Variants in PIM1 observed in about 807,000 individuals in gnomAD.
The protein encoded by PIM1 is serine/threonine-protein kinase pim-1.
In PIM1, 9 loss-of-function variants were observed where a neutral mutation model predicts 34.5. The ratio of observed to expected loss-of-function variants is 0.26; its 90% CI spans 0.16 to 0.46. The LOEUF (loss-of-function observed/expected upper bound fraction) is 0.46. Ranked by LOEUF, PIM1 falls within the 20% of genes least tolerant of loss-of-function variation. The probability of loss-of-function intolerance (pLI) is 1.00; values close to 1 mark genes in which losing one functional copy is unlikely to be tolerated. For missense variants in PIM1, 274 were observed against 410.9 expected, an observed-to-expected ratio of 0.67 and a Z score of 2.88; for synonymous variants, 199 against 175.2, an observed-to-expected ratio of 1.14 and a Z score of -1.07.
chr6:37,172,522 C>G (rs943490836), intron 4 of PIM1: 1 of 448,164 alleles, frequency 2.2e-6, no homozygotes, highest in African/African-American at 2.0e-5. Context: ...AGGAAGGCCT[C>G]CCAAAGGGCA....
At position 37,174,681 on chromosome 6, in the gene PIM1, G is replaced by A. The variant is rs1762374377; in HGVS notation, c.*590G>A. 4.3e-6 allele frequency: 1 copy of A among 233,776 alleles called. No individual in the cohort carries two copies. The highest frequency in any genetic ancestry group is 8.5e-6 in the Non-Finnish European group (1 of 118,128). 14.5% of individuals were successfully genotyped at this position (233,776 alleles called of 1,614,324 possible). On this transcript the variant is annotated 3_prime_UTR_variant, in exon 6 of 6. Transcript: ENST00000373509. ...CCCTCCTTCATATGAAAGGTGCCAT[G>A]GAAGAGGCTACAGGGCCAAACGCTG...
rs1176663706 is a variant in PIM1 at position 37,174,253 on chromosome 6, G to A, written c.*162G>A. The A allele has an allele frequency of 1.6e-4, 110 of 679,380 alleles. 2 individuals are homozygous for A. The East Asian group carries it at 3.1e-3, about 19-fold the overall frequency. 42.1% of individuals were successfully genotyped at this position (679,380 alleles called of 1,614,324 possible). A position where few individuals can be genotyped will look rare whatever the true frequency, so the allele number is the denominator to read the frequency against. On this transcript the variant is annotated 3_prime_UTR_variant, in exon 6 of 6. Transcript: ENST00000373509. ...CATTCCAGATCCCAGGCCCCTGGAG[G>A]CTGCCTCCCAACAGTGGGGAAGAGT...
At chr6:37,171,608 C>G (rs1762287779) in intron 4 of PIM1, 117 bp downstream of exon 4, 2 of 1,276,780 alleles carry the variant, frequency 1.6e-6, no homozygotes, top group Non-Finnish European at 1.1e-6. Context: ...CCGCCTGGCT[C>G]GATGCTAGCC....
In PIM1 at chr6:37,171,414, T is replaced by C. The variant is rs764675670; in HGVS notation, c.530T>C (p.Leu177Pro). Residue 177 changes from leucine (L) to proline (P), a missense_variant, in exon 4 of 6, where the codon CTC becomes CCC. Physicochemically the swap from Leu to Pro is moderately conservative, Grantham distance 98 (BLOSUM62 -3). This residue lies in a region of PIM1 where 168 missense variants were observed against 299.4 expected (regional missense o/e 0.56). Coordinates refer to ENST00000373509, the MANE Select transcript of PIM1 (RefSeq NM_002648.4). ...DIKDENILID[L>P]NRGELKLIDF... The stretch of plus-strand genomic sequence containing the variant: ...AAGGACGAAAACATCCTTATCGACC[T>C]CAATCGCGGCGAGCTCAAGCTCATC... The C allele has an allele frequency of 6.2e-7, 1 of 1,613,970 alleles. No individual in the cohort carries two copies. Among genetic ancestry groups the C allele is most frequent in the Non-Finnish European group, 8.5e-7 (1 of 1,180,014 alleles).
rs1038105494 is a variant in PIM1, at chr6:37,173,025, A to G, written c.637A>G (p.Ile213Val). ...CCGAGTGTATAGCCCTCCAGAGTGG[A>G]TCCGCTACCATCGCTACCATGGCAG... Reference protein sequence around the residue: ...GTRVYSPPEWIRYHRYHGRSA... With the variant: ...GTRVYSPPEWVRYHRYHGRSA... The change falls in exon 5 of 6, where the codon ATC (isoleucine) becomes GTC (valine). Residue 213 changes from isoleucine to valine, a missense_variant. Physicochemically the swap from Ile to Val is conservative, Grantham distance 29. Coordinates refer to ENST00000373509, the MANE Select transcript of PIM1 (RefSeq NM_002648.4). 3 of 1,613,920 alleles carry G rather than the reference A, an allele frequency of 1.9e-6. No individual in the cohort carries two copies. Among genetic ancestry groups the G allele is most frequent in the African/African-American group, 2.7e-5 (2 of 74,846 alleles).
chr6:37,173,426 A>G (rs1472134820), intron 5 of PIM1, among the ~76,000 whole-genome samples: 1 of 152,252 alleles, frequency 6.6e-6, no homozygotes, highest in Non-Finnish European at 1.5e-5. Context: ...TGGCTTCTCC[A>G]AAAACTTTTT....
At position 37,174,901 on chromosome 6, in the gene PIM1, A is replaced by G. The variant is rs1016858936; in HGVS notation, c.*810A>G. Reference sequence around the variant, plus strand: ...ATACAAAAAGATTGTAGTGGATCTAATTTTTAAGAAATTTTGCCTTTAAGT... The same window carrying G: ...ATACAAAAAGATTGTAGTGGATCTAGTTTTTAAGAAATTTTGCCTTTAAGT... On this transcript the variant is annotated 3_prime_UTR_variant, in exon 6 of 6. Transcript: ENST00000373509. 8.6e-6 allele frequency: 2 copies of G among 233,632 alleles called. No individual in the cohort carries two copies. Among genetic ancestry groups the G allele is most frequent in the Admixed American group, 1.1e-4 (2 of 17,772 alleles). The allele number at this position is 233,632 out of a possible 1,614,324, so 14.5% of individuals were successfully genotyped here.
In PIM1 at chr6:37,170,962, G is replaced by T; in HGVS notation, c.190-19G>T. Reference sequence around the variant, plus strand: ...TTTAGCCCGGACGAGGGAACCTGACGGAGACCCTGGGCTTCCAGGTGGCCA... The same window carrying T: ...TTTAGCCCGGACGAGGGAACCTGACTGAGACCCTGGGCTTCCAGGTGGCCA... On this transcript the variant is annotated intron_variant, in intron 2 of 5. Transcript: ENST00000373509. 6.2e-7 allele frequency: 1 copy of T among 1,613,984 alleles called. No homozygotes were observed.
rs150289969 is a variant in PIM1, at chr6:37,171,403, C to A, written c.519C>A (p.Ile173=). The part of the protein sequence containing the change: ...VLHRDIKDEN[I]LIDLNRGELK... ...ACCGCGACATCAAGGACGAAAACAT[C>A]CTTATCGACCTCAATCGCGGCGAGC... The change falls in exon 4 of 6, where the codon ATC becomes ATA. Residue 173 remains isoleucine (I), a synonymous_variant. Coordinates refer to ENST00000373509, the MANE Select transcript of PIM1 (RefSeq NM_002648.4). 1 of 1,614,094 alleles carries A rather than the reference C, an allele frequency of 6.2e-7. No individual in the cohort carries two copies. The highest frequency in any genetic ancestry group is 2.2e-5 in the East Asian group (1 of 44,890).
Position 37,171,115 on chromosome 6 carries a change from G to C in PIM1, c.241-10G>C, listed in dbSNP as rs1762277676. The C allele has an allele frequency of 4.3e-6, 7 of 1,613,784 alleles. No homozygotes were observed. The highest frequency in any genetic ancestry group is 5.9e-6 in the Non-Finnish European group (7 of 1,179,928). Reference sequence around the variant, plus strand: ...ACTCCCGCCCTAACGCGGCCCCCTCGCCCCTGCAGCCTAATGGCACTCGAG... The same window carrying C: ...ACTCCCGCCCTAACGCGGCCCCCTCCCCCCTGCAGCCTAATGGCACTCGAG... On this transcript the variant is annotated splice_polypyrimidine_tract_variant and intron_variant, in intron 3 of 5. Transcript: ENST00000373509.
rs1365169400 is a variant in PIM1 at position 37,175,222 on chromosome 6, G to C, written c.*1131G>C. ...GGTGGGTCCCGGCTCTGTGGGTGAT[G>C]GGGAGGGGCATTGCTGACTGTGTAT... is the stretch of plus-strand genomic sequence containing the variant. On this transcript the variant is annotated 3_prime_UTR_variant, in exon 6 of 6. Transcript: ENST00000373509. The C allele has an allele frequency of 4.3e-6, 1 of 233,628 alleles. No individual in the cohort carries two copies. The highest frequency in any genetic ancestry group is 8.5e-6 in the Non-Finnish European group (1 of 118,142). 14.5% of individuals were successfully genotyped at this position (233,628 alleles called of 1,614,324 possible). A position where few individuals can be genotyped will look rare whatever the true frequency, so the allele number is the denominator to read the frequency against.
intron 4 of PIM1, among the ~76,000 whole-genome samples, chr6:37,171,928 C>T (rs1762295621): frequency 6.6e-6 from 1 of 150,766 alleles, no homozygotes; most frequent in Non-Finnish European, 1.5e-5. Context: ...CAGTTCTTAA[C>T]TCCTTTCTGA....
chr6:37,170,697 G>T (rs745621623), intron 1 of PIM1, 40 bp downstream of exon 1: 1 of 1,605,392 alleles, frequency 6.2e-7, no homozygotes, highest in Non-Finnish European at 8.5e-7. Flanking sequence ...GATGCGGGGC[G>T]GCGGCGGGAT....
Position 37,171,415 on chromosome 6 carries a change from C to T in PIM1, c.531C>T (p.Leu177=), listed in dbSNP as rs1259173458. ...AGGACGAAAACATCCTTATCGACCT[C>T]AATCGCGGCGAGCTCAAGCTCATCG... ...DIKDENILID[L]NRGELKLIDF... is the part of the protein sequence containing the mutation. The change falls in exon 4 of 6, where the codon CTC becomes CTT. Residue 177 remains leucine, a synonymous_variant. Transcript: ENST00000373509. The T allele has an allele frequency of 6.2e-7, 1 of 1,613,888 alleles. No individual in the cohort carries two copies. The highest frequency in any genetic ancestry group is 1.3e-5 in the African/African-American group (1 of 74,952).
At position 37,170,574 on chromosome 6, in the gene PIM1, G is replaced by A. The variant is rs1170656817; in HGVS notation, c.-2G>A. The A allele has an allele frequency of 3.5e-5, 56 of 1,612,826 alleles. No individual in the cohort carries two copies. Among genetic ancestry groups the A allele is most frequent in the Non-Finnish European group, 4.4e-5 (52 of 1,179,590 alleles). The stretch of plus-strand genomic sequence containing the variant: ...CCCTGCGCCGACATCCTGGAGGTTG[G>A]GATGCTCTTGTCCAAAATCAACTCG... On this transcript the variant is annotated 5_prime_UTR_variant, in exon 1 of 6. Transcript: ENST00000373509.
At chr6:37,171,640 T>TC in intron 4 of PIM1, 149 bp downstream of exon 4, 2 of 949,882 alleles carry the variant, frequency 2.1e-6, no homozygotes, top group Non-Finnish European at 3.1e-6. Context: ...CAGGAGAGCC[T>TC]CCCAGCGTAG....
intron 4 of PIM1, among the ~76,000 whole-genome samples, chr6:37,172,007 G>C (rs190120121): frequency 6.6e-6 from 1 of 152,066 alleles, no homozygotes; most frequent in Non-Finnish European, 1.5e-5. Context: ...AGTGTTAAGG[G>C]GAGAGAGAGT....
At position 37,174,922 on chromosome 6, in the gene PIM1, T is replaced by C; in HGVS notation, c.*831T>C. The C allele has an allele frequency of 4.3e-6, 1 of 233,784 alleles. No individual in the cohort carries two copies. The highest frequency in any genetic ancestry group is 6.0e-5 in the East Asian group (1 of 16,600). 14.5% of individuals were successfully genotyped at this position (233,784 alleles called of 1,614,324 possible). ...TCTAATTTTTAAGAAATTTTGCCTT[T>C]AAGTTATTTTACCTGTTTTTGTTTC... On this transcript the variant is annotated 3_prime_UTR_variant, in exon 6 of 6. Transcript: ENST00000373509.
chr6:37,170,919 G>T, intron 2 of PIM1, 40 bp downstream of exon 2: 1 of 1,612,320 alleles, frequency 6.2e-7, no homozygotes, highest in Non-Finnish European at 8.5e-7. Context: ...GCGCCGGGCG[G>T]GGGGCGCACG....
Sources: gnomAD v4.1 joint callset for allele counts (sites outside exome capture counted in the v4.1 genomes callset) on GRCh38, gnomAD v4.1.1 for gene constraint, gnomAD v4.1.1 regional missense constraint, MANE v1.5 for transcripts, NCBI Gene and HGNC (gene_info 2026-07-23, HGNC 2026-07-21) for gene names.